Variants in OR1J2 observed in about 807,000 individuals in gnomAD.
OR1J2 encodes the protein olfactory receptor 1J2.
For missense variants in OR1J2, 304 were observed against 246.1 expected (o/e 1.24, Z -1.57); for synonymous variants, 142 against 99.7 (o/e 1.42, Z -2.52).
chr9:122,503,038 G>T, the OR1J2 span, among the ~76,000 whole-genome samples: 98,804 of 152,072 alleles, frequency 0.65, 33,545 homozygotes, highest in African/African-American at 0.86. Flanking sequence ...CTTAGTTGAT[G>T]TTTTAAGAGG....
At chr9:122,530,586 G>A in the OR1J2 span, among the ~76,000 whole-genome samples, 1 of 152,202 alleles carries the variant, frequency 6.6e-6, no homozygotes, top group African/African-American at 2.4e-5. Flanking sequence ...AAGTGGTAGT[G>A]TTAGGATGCT....
At chr9:122,531,270 G>A in the OR1J2 span, among the ~76,000 whole-genome samples, 1 of 152,216 alleles carries the variant, frequency 6.6e-6, no homozygotes, top group African/African-American at 2.4e-5. Context: ...GCATAGCCTT[G>A]CCAGCAAAGA....
At chr9:122,547,620 A>AGT in the OR1J2 span, among the ~76,000 whole-genome samples, 19,847 of 142,844 alleles carry the variant, frequency 0.14, 1,308 homozygotes, top group African/African-American at 0.19. Flanking sequence ...GTAGTAGTTC[A>AGT]GTGTGTGTGT....
At chr9:122,498,634 T>C in the OR1J2 span, among the ~76,000 whole-genome samples, 2 of 152,230 alleles carry the variant, frequency 1.3e-5, no homozygotes, top group East Asian at 3.9e-4. Flanking sequence ...ATTTCTGAGA[T>C]TCCATTTTGG....
downstream of OR1J2, among the ~76,000 whole-genome samples, chr9:122,512,183 G>A (rs140372965): frequency 1.7e-3 from 254 of 152,228 alleles, 1 homozygote; most frequent in African/African-American, 5.8e-3. Flanking sequence ...AGTCTCCTTG[G>A]AAATATAACC....
At chr9:122,497,936 C>CA in the OR1J2 span, among the ~76,000 whole-genome samples, 1 of 151,892 alleles carries the variant, frequency 6.6e-6, no homozygotes, top group East Asian at 1.9e-4. Flanking sequence ...CATTGTTTAC[C>CA]AAAAAGTTAT....
downstream of OR1J2, among the ~76,000 whole-genome samples, chr9:122,516,281 G>A (rs116619283): frequency 8.6e-3 from 1,293 of 151,190 alleles, 17 homozygotes; most frequent in African/African-American, 0.03. Context: ...AATGTGGTGG[G>A]GTGGAGTCCA....
the OR1J2 span, among the ~76,000 whole-genome samples, chr9:122,529,226 TAGCCA>T: frequency 1.3e-5 from 2 of 152,044 alleles, no homozygotes; most frequent in Non-Finnish European, 2.9e-5. Context: ...CACATTCTAA[TAGCCA>T]TGTCCAGAAG....
At chr9:122,544,425 T>C in the OR1J2 span, among the ~76,000 whole-genome samples, 4 of 144,524 alleles carry the variant, frequency 2.8e-5, no homozygotes, top group East Asian at 4.0e-4. Context: ...CTTTTTTTTT[T>C]TTTTTTTTTT....
chr9:122,566,447 T>C, the OR1J2 span, among the ~76,000 whole-genome samples: 1 of 152,230 alleles, frequency 6.6e-6, no homozygotes, highest in Non-Finnish European at 1.5e-5. Flanking sequence ...ATTTATATAA[T>C]GTTTTAATGT....
the OR1J2 span, among the ~76,000 whole-genome samples, chr9:122,570,844 G>T: frequency 6.6e-6 from 1 of 152,116 alleles, no homozygotes; most frequent in South Asian, 2.1e-4. Context: ...AAATGTATTA[G>T]TATTAGGTAC....
At chr9:122,544,158 A>C in the OR1J2 span, among the ~76,000 whole-genome samples, 2 of 152,018 alleles carry the variant, frequency 1.3e-5, no homozygotes, top group Non-Finnish European at 2.9e-5. Context: ...TAATGAATAA[A>C]TTAAAATTTT....
At chr9:122,499,336 G>A in the OR1J2 span, among the ~76,000 whole-genome samples, 24 of 152,358 alleles carry the variant, frequency 1.6e-4, no homozygotes, top group African/African-American at 5.8e-4. Flanking sequence ...GGAGAGTAAG[G>A]GCTCAGATCC....
At chr9:122,513,285 G>A (rs1254819952), downstream of OR1J2, among the ~76,000 whole-genome samples, 2 of 152,204 alleles carry the variant, frequency 1.3e-5, no homozygotes, top group Non-Finnish European at 2.9e-5. Flanking sequence ...AACTGGGATG[G>A]CATTGGTGAT....
At chr9:122,454,104 C>A in the OR1J2 span, among the ~76,000 whole-genome samples, 1 of 152,322 alleles carries the variant, frequency 6.6e-6, no homozygotes, top group Middle Eastern at 3.4e-3. Context: ...TGGCTTCGGT[C>A]CAATCCTCCT....
chr9:122,490,423 G>A, the OR1J2 span, among the ~76,000 whole-genome samples: 18 of 152,218 alleles, frequency 1.2e-4, no homozygotes, highest in African/African-American at 4.1e-4. Flanking sequence ...TGTTATATCT[G>A]CATTGCCATT....
At chr9:122,574,796 C>T in the OR1J2 span, among the ~76,000 whole-genome samples, 3 of 152,044 alleles carry the variant, frequency 2.0e-5, no homozygotes, top group African/African-American at 2.4e-5. Context: ...CCTAGTTTCT[C>T]GCCATCATGT....
chr9:122,563,157 T>TTC, the OR1J2 span, among the ~76,000 whole-genome samples: 1 of 150,068 alleles, frequency 6.7e-6, no homozygotes. Flanking sequence ...GTGCTCCCCT[T>TTC]TCTCCACATC....
chr9:122,509,373 T>C (rs991931337), upstream of OR1J2, among the ~76,000 whole-genome samples: 8 of 152,206 alleles, frequency 5.3e-5, no homozygotes, highest in Non-Finnish European at 8.8e-5. Flanking sequence ...CAGTTTGTTA[T>C]GGGATGAGTG....
Sources: allele counts gnomAD v4.1 joint callset (sites outside exome capture counted in the v4.1 genomes callset), GRCh38; gene constraint gnomAD v4.1.1; transcripts MANE v1.5; gene names NCBI Gene and HGNC (gene_info 2026-07-23, HGNC 2026-07-21).